NKAIN2: variants seen among roughly 807,000 people sequenced by gnomAD.
NKAIN2 encodes the protein sodium/potassium-transporting ATPase subunit beta-1-interacting protein 2.
A neutral mutation model predicts 32.6 loss-of-function variants in NKAIN2; 14 were observed. The ratio of observed to expected loss-of-function variants is 0.43; its 90% CI spans 0.28 to 0.67. NKAIN2 has a LOEUF of 0.67. Ranked by LOEUF, NKAIN2 falls within the 30% of genes least tolerant of loss-of-function variation. NKAIN2 has a pLI of 0.17. For synonymous variants in NKAIN2, 80 were observed against 87.2 expected (o/e 0.92, Z 0.46); for missense variants, 198 against 258.3 (o/e 0.77, Z 1.60).
intron 1 of NKAIN2, among the ~76,000 whole-genome samples, chr6:124,135,536 A>C (rs1242147423): frequency 7.6e-6 from 1 of 131,116 alleles, no homozygotes; most frequent in Admixed American, 7.5e-5. Flanking sequence ...AAAAAAAAAA[A>C]GAAGACATTA....
chr6:124,148,133 A>T (rs368480574), intron 1 of NKAIN2, among the ~76,000 whole-genome samples: 2 of 152,080 alleles, frequency 1.3e-5, no homozygotes, highest in African/African-American at 2.4e-5. Context: ...TATTTTTTTT[A>T]AACATTCAGG....
intron 1 of NKAIN2, among the ~76,000 whole-genome samples, chr6:124,173,203 A>T (rs1358286707): frequency 4.6e-5 from 7 of 152,156 alleles, no homozygotes; most frequent in Non-Finnish European, 8.8e-5. Flanking sequence ...TAAAATGAGA[A>T]TCTCTCTTGC....
At chr6:123,857,568 G>A (rs753538151) in intron 1 of NKAIN2, among the ~76,000 whole-genome samples, 1 of 152,086 alleles carries the variant, frequency 6.6e-6, no homozygotes, top group African/African-American at 2.4e-5. Flanking sequence ...TAAAACCAGA[G>A]CCCATTGTCT....
At chr6:124,566,697 CTTAATT>C (rs1287839507) in intron 3 of NKAIN2, among the ~76,000 whole-genome samples, 1 of 152,110 alleles carries the variant, frequency 6.6e-6, no homozygotes, top group Non-Finnish European at 1.5e-5. Context: ...CTGTGGACTT[CTTAATT>C]TTAATATACT....
chr6:124,691,203 A>G (rs182131065), intron 4 of NKAIN2, among the ~76,000 whole-genome samples: 1 of 152,278 alleles, frequency 6.6e-6, no homozygotes, highest in Admixed American at 6.5e-5. Flanking sequence ...GGATTATTCA[A>G]CAATACTGGA....
chr6:124,491,167 A>T (rs1415033030), intron 3 of NKAIN2, among the ~76,000 whole-genome samples: 2 of 151,850 alleles, frequency 1.3e-5, no homozygotes, highest in Non-Finnish European at 2.9e-5. Context: ...TGTGCCATCT[A>T]TTCATTGTTT....
Position 123,827,273 on chromosome 6 carries a change from T to C in NKAIN2, c.54+23019T>C, listed in dbSNP as rs562247727. 8.9e-4 allele frequency among the ~76,000 whole-genome samples: 135 copies of C among 152,264 alleles called. 1 individual carries two copies. The highest frequency in any genetic ancestry group is 3.1e-3 in the African/African-American group (127 of 41,564). On this transcript the variant is annotated intron_variant, in intron 1 of 6. Transcript: ENST00000368417. ...TGGTGTTGAAGTGTATTAATGATCA[T>C]GGCAAGAGATCAGGCAAATTGAACC...
chr6:124,082,964 C>T (rs908092073), intron 1 of NKAIN2, among the ~76,000 whole-genome samples: 4 of 151,842 alleles, frequency 2.6e-5, no homozygotes, highest in African/African-American at 7.2e-5. Context: ...GATCATTATG[C>T]CTTTCATACG....
intron 5 of NKAIN2, among the ~76,000 whole-genome samples, chr6:124,813,682 A>G (rs1781016605): frequency 6.6e-6 from 1 of 152,158 alleles, no homozygotes; most frequent in African/African-American, 2.4e-5. Context: ...AAATTAAGAT[A>G]ATTATTCCTA....
At chr6:124,622,831 C>A (rs571130600) in intron 3 of NKAIN2, among the ~76,000 whole-genome samples, 1 of 152,096 alleles carries the variant, frequency 6.6e-6, no homozygotes, top group Non-Finnish European at 1.5e-5. Context: ...TCTGCCGCAT[C>A]GCTCTGCTGT....
chr6:124,577,262 TA>T (rs1781366539), intron 3 of NKAIN2, among the ~76,000 whole-genome samples: 1 of 152,132 alleles, frequency 6.6e-6, no homozygotes, highest in Non-Finnish European at 1.5e-5. Context: ...GTGATCACTG[TA>T]CCTGGTTTTA....
At chr6:124,413,041 G>A (rs1342963788) in intron 3 of NKAIN2, among the ~76,000 whole-genome samples, 2 of 152,102 alleles carry the variant, frequency 1.3e-5, no homozygotes, top group Non-Finnish European at 2.9e-5. Context: ...TATTAAAGTG[G>A]GAGTGACCCG....
chr6:124,606,273 G>A (rs9482567), intron 3 of NKAIN2, among the ~76,000 whole-genome samples: 2 of 151,662 alleles, frequency 1.3e-5, no homozygotes, highest in African/African-American at 4.8e-5. Context: ...TTTCTCAGGA[G>A]ACTTCTCCTT....
intron 3 of NKAIN2, among the ~76,000 whole-genome samples, chr6:124,641,448 G>T (rs1783983378): frequency 7.4e-6 from 1 of 135,182 alleles, no homozygotes; most frequent in Admixed American, 8.0e-5. Flanking sequence ...TAATAGCAAT[G>T]AACTTTAAAT....
At chr6:124,790,417 A>T (rs1353629275) in intron 4 of NKAIN2, among the ~76,000 whole-genome samples, 1 of 151,862 alleles carries the variant, frequency 6.6e-6, no homozygotes, top group Admixed American at 6.6e-5. Flanking sequence ...ACTGAATATT[A>T]TTGTGTGGGG....
At position 124,216,477 on chromosome 6, in the gene NKAIN2, A is replaced by G. The variant is rs1016700930; in HGVS notation, c.55-66528A>G. On this transcript the variant is annotated intron_variant, in intron 1 of 6. Transcript: ENST00000368417. ...GAGATACTCAACACGCATATGCCCA[A>G]CTGAGGTCAAGCCAAGCAACACTCT... Among the ~76,000 whole-genome samples the G allele has an allele frequency of 2.0e-5, 3 of 152,330 alleles. No homozygotes were observed. The South Asian group carries it at 6.2e-4, about 32-fold the overall frequency.
In NKAIN2 at chr6:124,613,496, T is replaced by A. The variant is rs780593531; in HGVS notation, c.274-44690T>A. Among the ~76,000 whole-genome samples the A allele has an allele frequency of 5.6e-4, 86 of 152,314 alleles. 1 individual carries two copies. Among genetic ancestry groups the A allele is most frequent in the Middle Eastern group, 3.4e-3 (1 of 294 alleles). On this transcript the variant is annotated intron_variant, in intron 3 of 6. Transcript: ENST00000368417. The stretch of plus-strand genomic sequence containing the variant: ...CATGTGCTGGATCACAGGGAAGAGA[T>A]TGTGCCAGTGTGACTATTCTAATCT...
At chr6:124,272,423 A>G (rs1268295559) in intron 1 of NKAIN2, among the ~76,000 whole-genome samples, 2 of 152,192 alleles carry the variant, frequency 1.3e-5, no homozygotes, top group Admixed American at 6.5e-5. Context: ...TGGCTTCCAC[A>G]TGGTGTTGAG....
At chr6:124,541,049 T>C (rs1370610478) in intron 3 of NKAIN2, among the ~76,000 whole-genome samples, 1 of 152,192 alleles carries the variant, frequency 6.6e-6, no homozygotes, top group East Asian at 1.9e-4. Context: ...AATGAGATAA[T>C]GTGTTATAAA....
Sources: allele counts gnomAD v4.1 joint callset (sites outside exome capture counted in the v4.1 genomes callset), GRCh38; gene constraint gnomAD v4.1.1; transcripts MANE v1.5; gene names NCBI Gene and HGNC (gene_info 2026-07-23, HGNC 2026-07-21).